Variants in GRM5 observed in about 807,000 individuals in gnomAD.
GRM5 encodes metabotropic glutamate receptor 5.
In GRM5, 19 loss-of-function variants were observed where a neutral mutation model predicts 83.1. That is an observed-to-expected ratio of 0.23 (90% CI 0.16 to 0.34). The LOEUF is 0.34. Among genes scored for constraint, GRM5 ranks in the 10% least tolerant of loss-of-function variants. The pLI is 1.00. For synonymous variants in GRM5, 675 were observed against 633.6 expected (o/e 1.07, Z -0.98); for missense variants, 1,160 against 1,588.3 (o/e 0.73, Z 4.58).
At position 88,888,371 on chromosome 11, in the gene GRM5, A is replaced by G. The variant is rs143162099; in HGVS notation, c.662-38216T>C. Among the ~76,000 whole-genome samples the G allele has an allele frequency of 6.5e-3, 993 of 152,254 alleles. 8 individuals carry two copies. The highest frequency in any genetic ancestry group is 0.034 in the Middle Eastern group (10 of 294). On this transcript the variant is annotated intron_variant, in intron 2 of 9. Coordinates refer to ENST00000305447, the MANE Select transcript of GRM5 (RefSeq NM_001143831.3). The stretch of plus-strand genomic sequence containing the variant: ...TATAGTAGGCCAAATGGGAAAAGAG[A>G]AGATAGAGAAAGTGAAGAAACAGGG...
chr11:88,784,617 T>C (rs1943031819), intron 3 of GRM5, among the ~76,000 whole-genome samples: 1 of 152,074 alleles, frequency 6.6e-6, no homozygotes, highest in South Asian at 2.1e-4. Flanking sequence ...TTCATCGGTG[T>C]ATTCTATCCC....
At chr11:88,887,615 C>T (rs567088459) in intron 2 of GRM5, among the ~76,000 whole-genome samples, 2 of 152,230 alleles carry the variant, frequency 1.3e-5, no homozygotes, top group African/African-American at 4.8e-5. Flanking sequence ...GACCCAGGAA[C>T]CATGGAAGGA....
At chr11:88,755,715 A>G (rs536751427) in intron 3 of GRM5, among the ~76,000 whole-genome samples, 1 of 152,244 alleles carries the variant, frequency 6.6e-6, no homozygotes, top group East Asian at 1.9e-4. Context: ...TAGTTCTGAT[A>G]TTTACCAGGA....
chr11:88,544,004 A>T (rs1389896251), intron 8 of GRM5, among the ~76,000 whole-genome samples: 1 of 151,956 alleles, frequency 6.6e-6, no homozygotes, highest in African/African-American at 2.4e-5. Context: ...GGAGTGGGTT[A>T]GTTATTGGGA....
At chr11:88,721,023 C>T (rs973049274) in intron 3 of GRM5, among the ~76,000 whole-genome samples, 5 of 152,110 alleles carry the variant, frequency 3.3e-5, no homozygotes, top group African/African-American at 1.2e-4. Flanking sequence ...CCTGGCTCTA[C>T]CACTTTACCA....
At chr11:88,740,502 T>C (rs1942004236) in intron 3 of GRM5, among the ~76,000 whole-genome samples, 1 of 152,050 alleles carries the variant, frequency 6.6e-6, no homozygotes. Flanking sequence ...AACTATTAAT[T>C]GTCATAGTAA....
At chr11:88,928,907 T>TACATATAC (rs1555043263) in intron 2 of GRM5, among the ~76,000 whole-genome samples, 2 of 138,674 alleles carry the variant, frequency 1.4e-5, no homozygotes, top group Admixed American at 1.4e-4. Flanking sequence ...TATGTGTATA[T>TACATATAC]ACACACACAC....
chr11:88,915,008 G>T (rs982314120), intron 2 of GRM5, among the ~76,000 whole-genome samples: 1 of 152,020 alleles, frequency 6.6e-6, no homozygotes, highest in Non-Finnish European at 1.5e-5. Flanking sequence ...TCCTTAACAA[G>T]ATTTTTAATG....
chr11:89,051,278 CAGA>C (rs1412809570), intron 1 of GRM5, among the ~76,000 whole-genome samples: 2 of 149,948 alleles, frequency 1.3e-5, no homozygotes, highest in South Asian at 2.1e-4. Context: ...GAAAAATATA[CAGA>C]AGAATGAAAT....
chr11:88,620,597 T>C (rs1938606986), intron 4 of GRM5, among the ~76,000 whole-genome samples: 1 of 152,198 alleles, frequency 6.6e-6, no homozygotes, highest in Non-Finnish European at 1.5e-5. Context: ...TCAAGTTTAA[T>C]AAAACAAATG....
chr11:88,598,793 C>T (rs931426349), intron 5 of GRM5, among the ~76,000 whole-genome samples: 4 of 152,152 alleles, frequency 2.6e-5, no homozygotes, highest in African/African-American at 9.7e-5. Flanking sequence ...CAGTGTCAGA[C>T]TTGTTTCTTT....
intron 3 of GRM5, among the ~76,000 whole-genome samples, chr11:88,664,834 T>C (rs931504909): frequency 1.3e-5 from 2 of 152,172 alleles, no homozygotes; most frequent in Non-Finnish European, 2.9e-5. Flanking sequence ...TATATGATAA[T>C]GATTTGAGCT....
In GRM5 at chr11:88,509,289, C is replaced by A. The variant is rs1416762207; in HGVS notation, c.2942G>T (p.Gly981Val). The change falls in exon 10 of 10, where the codon GGC (glycine) becomes GTC (valine). Residue 981 changes from glycine (G) to valine (V), a missense_variant. Around this residue, in one of 9 missense-constraint regions of GRM5, gnomAD observed 562 missense variants for 532.4 expected, o/e 1.06. Transcript: ENST00000305447. Reference sequence around the variant, plus strand: ...CCCGCCTGGGCCGGCGCCTGCGCAGCCCGCACCGCCCGTGGCCCCCACGCC... The same window carrying A: ...CCCGCCTGGGCCGGCGCCTGCGCAGACCGCACCGCCCGTGGCCCCCACGCC... ...AGGVGATGGA[G>V]CAGAGPGGPE... The A allele has an allele frequency of 1.3e-6, 2 of 1,486,926 alleles. No individual in the cohort carries two copies. The highest frequency in any genetic ancestry group is 1.8e-6 in the Non-Finnish European group (2 of 1,122,184). The allele number at this position is 1,486,926 out of a possible 1,614,324, so 92.1% of individuals were successfully genotyped here. A position where few individuals can be genotyped will look rare whatever the true frequency, so the allele number is the denominator to read the frequency against.
At chr11:88,852,959 T>C (rs926192064) in intron 2 of GRM5, among the ~76,000 whole-genome samples, 2 of 152,030 alleles carry the variant, frequency 1.3e-5, no homozygotes, top group African/African-American at 4.8e-5. Context: ...TTTCAAGTAA[T>C]ATGTAGAATG....
At chr11:89,035,313 C>T (rs1941358804) in intron 2 of GRM5, among the ~76,000 whole-genome samples, 1 of 151,618 alleles carries the variant, frequency 6.6e-6, no homozygotes, top group Admixed American at 6.6e-5. Flanking sequence ...TCTTACTTAA[C>T]TTTTATATTT....
chr11:88,682,253 A>G (rs1322309129), intron 3 of GRM5, among the ~76,000 whole-genome samples: 1 of 152,198 alleles, frequency 6.6e-6, no homozygotes, highest in Non-Finnish European at 1.5e-5. Context: ...ATGTATCAGT[A>G]TATGCCTATT....
chr11:88,774,970 A>T (rs181759429), intron 3 of GRM5, among the ~76,000 whole-genome samples: 1 of 152,298 alleles, frequency 6.6e-6, no homozygotes, highest in African/African-American at 2.4e-5. Context: ...AAAATGAGTT[A>T]GTTAGGGAGG....
At chr11:88,673,939 C>A (rs549803403) in intron 3 of GRM5, among the ~76,000 whole-genome samples, 8 of 151,110 alleles carry the variant, frequency 5.3e-5, no homozygotes, top group South Asian at 4.2e-4. Context: ...CCAAGCATTT[C>A]TGTTGTAGGT....
intron 4 of GRM5, among the ~76,000 whole-genome samples, chr11:88,642,998 T>C (rs1939336493): frequency 6.6e-6 from 1 of 152,102 alleles, no homozygotes; most frequent in Non-Finnish European, 1.5e-5. Context: ...TTCAATTATC[T>C]TTATAGCAAT....
Sources: gnomAD v4.1 joint callset for allele counts (sites outside exome capture counted in the v4.1 genomes callset) on GRCh38, gnomAD v4.1.1 for gene constraint, gnomAD v4.1.1 regional missense constraint, MANE v1.5 for transcripts, NCBI Gene and HGNC (gene_info 2026-07-23, HGNC 2026-07-21) for gene names.